DNAH17: variants seen among roughly 807,000 people sequenced by gnomAD.
DNAH17 encodes axonemal beta dynein heavy chain 17.
Under a neutral mutation model 485.6 loss-of-function variants are expected in DNAH17, and 376 were observed. That is an observed-to-expected ratio of 0.77 (90% CI 0.71 to 0.84). DNAH17 has a LOEUF of 0.84. DNAH17 is among the 40% of genes least tolerant of loss of function. The probability of loss-of-function intolerance (pLI) is 0.00; values close to 1 mark genes in which losing one functional copy is unlikely to be tolerated. For synonymous variants in DNAH17, 3,031 were observed against 2,405.9 expected (o/e 1.26, Z -7.60); for missense variants, 6,370 against 5,839.3 (o/e 1.09, Z -2.96).
In DNAH17 at chr17:78,484,873, C is replaced by G; in HGVS notation, c.7644G>C (p.Arg2548=). 6.4e-7 allele frequency: 1 copy of G among 1,560,554 alleles called. No homozygotes were observed. Among genetic ancestry groups the G allele is most frequent in the South Asian group, 1.2e-5 (1 of 84,760 alleles). The change falls in exon 48 of 81, where the codon CGG becomes CGC. Residue 2548 remains arginine (R), a synonymous_variant. Coordinates refer to ENST00000389840, the MANE Select transcript of DNAH17 (RefSeq NM_173628.4). ...HTLIRQHMDH[R]HWYDRHKLTL... Reference sequence around the variant, plus strand: ...CCGGCCCCGCCCCGTCTAACCAGTGCCGGTGGTCCATGTGCTGCCGGATGA... The same window carrying G: ...CCGGCCCCGCCCCGTCTAACCAGTGGCGGTGGTCCATGTGCTGCCGGATGA...
intron 77 of DNAH17, chr17:78,428,208 C>G: frequency 2.4e-6 from 1 of 424,274 alleles, no homozygotes; most frequent in Non-Finnish European, 4.4e-6. Context: ...GGTCGGTGCC[C>G]TTCCTGGCGC....
intron 48 of DNAH17, among the ~76,000 whole-genome samples, chr17:78,482,737 C>T (rs1315448324): frequency 3.3e-5 from 5 of 152,138 alleles, no homozygotes; most frequent in African/African-American, 7.2e-5. Flanking sequence ...CCTGACACAT[C>T]CACTAAACAG....
rs1350128202 is a variant in DNAH17 at position 78,526,745 on chromosome 17, A to G, written c.3625-8T>C. 1 of 1,602,936 alleles carries G rather than the reference A, an allele frequency of 6.2e-7. No homozygotes were observed. The highest frequency in any genetic ancestry group is 1.1e-5 in the South Asian group (1 of 90,224). ...GAACTCATGTTGCTTGAGCTGCGAG[A>G]GAAGAGTGCAAAGTACAGAGAGTCA... On this transcript the variant is annotated splice_polypyrimidine_tract_variant and splice_region_variant and intron_variant, in intron 23 of 80. Coordinates refer to ENST00000389840, the MANE Select transcript of DNAH17 (RefSeq NM_173628.4).
intron 37 of DNAH17, chr17:78,496,538 C>T (rs1006455080): frequency 1.1e-4 from 17 of 152,378 alleles, no homozygotes; most frequent in Non-Finnish European, 1.9e-4. Flanking sequence ...CTTATAGCCA[C>T]ACCCCTTCCC....
At position 78,537,450 on chromosome 17, in the gene DNAH17, A is replaced by G; in HGVS notation, c.2708T>C (p.Met903Thr). The G allele has an allele frequency of 1.2e-6, 2 of 1,613,384 alleles. No individual in the cohort carries two copies. The highest frequency in any genetic ancestry group is 1.7e-6 in the Non-Finnish European group (2 of 1,179,844). The change falls in exon 19 of 81, where the codon ATG becomes ACG. Residue 903 changes from methionine (M) to threonine (T), a missense_variant. Coordinates refer to ENST00000389840, the MANE Select transcript of DNAH17 (RefSeq NM_173628.4). The stretch of plus-strand genomic sequence containing the variant: ...GGTCAGCCCATCCTCGTCCAGCTCC[A>G]TGCGGATCTCAAACAGGGGAGCGAT... ...ESIAPLFEIR[M>T]ELDEDGLTFN...
intron 16 of DNAH17, among the ~76,000 whole-genome samples, chr17:78,545,511 G>C (rs1475969027): frequency 1.3e-5 from 2 of 152,116 alleles, no homozygotes; most frequent in Non-Finnish European, 2.9e-5. Flanking sequence ...ACCTCACATG[G>C]CGGAGGGGCA....
chr17:78,545,544 T>C (rs1431129304), intron 16 of DNAH17, among the ~76,000 whole-genome samples: 1 of 152,118 alleles, frequency 6.6e-6, no homozygotes, highest in African/African-American at 2.4e-5. Flanking sequence ...TCATGTCTGT[T>C]GCTATAAGGG....
At chr17:78,491,287 G>T (rs747417460) in intron 43 of DNAH17, among the ~76,000 whole-genome samples, 156 bp downstream of exon 43, 1 of 152,232 alleles carries the variant, frequency 6.6e-6, no homozygotes, top group East Asian at 1.9e-4. Context: ...CTCACGACAA[G>T]GTGCCCCTCA....
chr17:78,442,038 G>A (rs1242942379), intron 71 of DNAH17, among the ~76,000 whole-genome samples: 1 of 151,868 alleles, frequency 6.6e-6, no homozygotes, highest in Admixed American at 6.6e-5. Context: ...AGGTGAGATG[G>A]CGCCATTGCA....
Position 78,574,720 on chromosome 17 carries a change from A to C in DNAH17, c.338T>G (p.Val113Gly). The change falls in exon 2 of 81, where the codon GTG (valine) becomes GGG (glycine). Residue 113 changes from valine (V) to glycine (G), a missense_variant. Val to Gly is a moderately radical substitution (Grantham distance 109). Coordinates refer to ENST00000389840, the MANE Select transcript of DNAH17 (RefSeq NM_173628.4). Reference sequence around the variant, plus strand: ...CAGCCTGGACGCACTCACCTCCTCCACCACCGCGATCAGCTGGTCCACGGG... The same window carrying C: ...CAGCCTGGACGCACTCACCTCCTCCCCCACCGCGATCAGCTGGTCCACGGG... ...PTPVDQLIAV[V>G]EEVLSSLLNQ... 1 of 1,602,122 alleles carries C rather than the reference A, an allele frequency of 6.2e-7. No homozygotes were observed. The highest frequency in any genetic ancestry group is 8.5e-7 in the Non-Finnish European group (1 of 1,172,234).
chr17:78,461,926 G>C (rs1331228653), intron 57 of DNAH17, among the ~76,000 whole-genome samples: 2 of 152,014 alleles, frequency 1.3e-5, no homozygotes, highest in African/African-American at 4.8e-5. Context: ...AGACATTCCT[G>C]GTGCTCAAAG....
In DNAH17 at chr17:78,454,583, G is replaced by C. The variant is rs1402081153; in HGVS notation, c.10293C>G (p.Ile3431Met). Residue 3431 changes from isoleucine to methionine, a missense_variant, in exon 64 of 81, where the codon ATC (isoleucine) becomes ATG (methionine). By Grantham distance (10) the Ile-to-Met change is conservative. Transcript: ENST00000389840. ...SDRMSTENATILGNTERWPLI... is the reference protein window; with the variant it reads ...SDRMSTENATMLGNTERWPLI... Reference sequence around the variant, plus strand: ...GCGGCCACCGCTCGGTGTTGCCCAGGATGGTGGCATTCTCGGTGGACATGC... The same window carrying C: ...GCGGCCACCGCTCGGTGTTGCCCAGCATGGTGGCATTCTCGGTGGACATGC... The C allele has an allele frequency of 1.9e-6, 3 of 1,613,000 alleles. No individual in the cohort carries two copies. The East Asian group carries it at 6.7e-5, about 36-fold the overall frequency.
At chr17:78,516,907 AAAG>A (rs1420429714) in intron 25 of DNAH17, among the ~76,000 whole-genome samples, 1 of 152,152 alleles carries the variant, frequency 6.6e-6, no homozygotes, top group Non-Finnish European at 1.5e-5. Context: ...AAATTAAATA[AAAG>A]AAGAGACAGA....
chr17:78,495,807 T>C, intron 38 of DNAH17, 68 bp downstream of exon 38: 1 of 1,555,928 alleles, frequency 6.4e-7, no homozygotes, highest in East Asian at 2.3e-5. Context: ...GCCCACTCCT[T>C]GGCACTGGGA....
At chr17:78,466,508 G>A (rs2088465880) in intron 56 of DNAH17, 147 bp downstream of exon 56, 11 of 519,254 alleles carry the variant, frequency 2.1e-5, no homozygotes, top group Middle Eastern at 5.0e-4. Context: ...CTGAGTTTCT[G>A]GCAGCCTCTT....
intron 56 of DNAH17, among the ~76,000 whole-genome samples, chr17:78,465,580 C>G (rs1448791719): frequency 2.1e-5 from 3 of 144,340 alleles, no homozygotes; most frequent in African/African-American, 7.7e-5. Context: ...CTCTGCCCCG[C>G]CGCCCCATCT....
rs781612269 is a variant in DNAH17 at position 78,461,602 on chromosome 17, A to G, written c.9281T>C (p.Val3094Ala). The change falls in exon 58 of 81, where the codon GTC becomes GCC. Residue 3094 changes from valine to alanine, a missense_variant. Physicochemically the swap from Val to Ala is moderately conservative, Grantham distance 64. Coordinates refer to ENST00000389840, the MANE Select transcript of DNAH17 (RefSeq NM_173628.4). ...GTCAGCAATGGCCTTCTCTTTGCTG[A>G]CCTTCTCGGCCTCGATGCCGACCAC... ...IQVVGIEAEKVSKEKAIADQE... is the reference protein window; with the variant it reads ...IQVVGIEAEKASKEKAIADQE... 15 of 1,606,600 alleles carry G rather than the reference A, an allele frequency of 9.3e-6. No homozygotes were observed. The highest frequency in any genetic ancestry group is 1.3e-5 in the Non-Finnish European group (15 of 1,177,294).
At chr17:78,522,695 A>C (rs1240117614) in intron 25 of DNAH17, 2 of 203,916 alleles carry the variant, frequency 9.8e-6, no homozygotes, top group Non-Finnish European at 2.1e-5. Context: ...TCCAAAGTTC[A>C]GAGAATGCAA....
In DNAH17 at chr17:78,486,293, C is replaced by T; in HGVS notation, c.7032G>A (p.Arg2344=). The T allele has an allele frequency of 1.2e-6, 2 of 1,612,500 alleles. No individual in the cohort carries two copies. The highest frequency in any genetic ancestry group is 1.7e-6 in the Non-Finnish European group (2 of 1,178,784). ...ACACGAAGTACAGCTCGTACAGCTC[C>T]CTGGGGGAGTCGGGGGGCACGGTCT... is the stretch of plus-strand genomic sequence containing the variant. ...TEKTVPPDSP[R]ELYELYFVFT... Residue 2344 remains arginine, a synonymous_variant, in exon 45 of 81, where the codon AGG becomes AGA. Transcript: ENST00000389840.
Sources: gnomAD v4.1 joint callset for allele counts (sites outside exome capture counted in the v4.1 genomes callset) on GRCh38, gnomAD v4.1.1 for gene constraint, MANE v1.5 for transcripts, NCBI Gene and HGNC (gene_info 2026-07-23, HGNC 2026-07-21) for gene names.